The following CACNA1I variants were observed in gnomAD, a reference collection of about 807,000 sequenced individuals.
CACNA1I encodes calcium voltage-gated channel subunit alpha1 I.
CACNA1I carries 74 observed loss-of-function variants against 201.6 expected under a neutral mutation model. That is an observed-to-expected ratio of 0.37 (90% CI 0.30 to 0.45). The LOEUF (loss-of-function observed/expected upper bound fraction) is 0.45, where lower values mean the gene tolerates loss of function less well. CACNA1I is among the 20% of genes least tolerant of loss of function. The pLI is 1.00. For missense variants in CACNA1I, 2,346 were observed against 3,138.1 expected (o/e 0.75, Z 6.03); for synonymous variants, 1,431 against 1,345.2 (o/e 1.06, Z -1.40).
chr22:39,584,200 G>A (rs1398046819), intron 1 of CACNA1I, among the ~76,000 whole-genome samples: 1 of 152,140 alleles, frequency 6.6e-6, no homozygotes, highest in Non-Finnish European at 1.5e-5. Flanking sequence ...TTGAGGAGTG[G>A]GCAGAAAGGA....
In CACNA1I at chr22:39,661,228, C is replaced by T. The variant is rs376992678; in HGVS notation, c.2819C>T (p.Pro940Leu). The T allele has an allele frequency of 1.1e-4, 177 of 1,611,924 alleles. No individual in the cohort carries two copies. The highest frequency in any genetic ancestry group is 6.5e-4 in the South Asian group (59 of 90,874). The change falls in exon 16 of 37, where the codon CCG becomes CTG. Residue 940 changes from proline to leucine, a missense_variant. Pro to Leu is a moderately conservative substitution (Grantham distance 98). Coordinates refer to ENST00000402142, the MANE Select transcript of CACNA1I (RefSeq NM_021096.4). The part of the protein sequence containing the change: ...AGPAPRLSLQ[P>L]DPMLVALGSR... ...CCTGCCCCCCGACTCTCACTGCAGCCGGACCCCATGCTGGTGGCCCTGGGC... is the reference window on the plus strand; with the variant it reads ...CCTGCCCCCCGACTCTCACTGCAGCTGGACCCCATGCTGGTGGCCCTGGGC...
At chr22:39,656,063 G>A (rs1380482459) in intron 10 of CACNA1I, among the ~76,000 whole-genome samples, 2 of 152,154 alleles carry the variant, frequency 1.3e-5, no homozygotes, top group East Asian at 1.9e-4. Flanking sequence ...CCTCCCCACC[G>A]AGGGTCCCTC....
intron 1 of CACNA1I, among the ~76,000 whole-genome samples, chr22:39,580,787 G>A (rs150832313): frequency 6.6e-6 from 1 of 152,300 alleles, no homozygotes; most frequent in African/African-American, 2.4e-5. Context: ...GCAGACTGGA[G>A]GATGCTTGAG....
intron 4 of CACNA1I, among the ~76,000 whole-genome samples, chr22:39,620,239 C>T (rs1933701658): frequency 1.3e-5 from 1 of 76,388 alleles, no homozygotes; most frequent in African/African-American, 7.2e-5. Flanking sequence ...ATCCACCTGT[C>T]CATCCATCCA....
At position 39,648,089 on chromosome 22, in the gene CACNA1I, A is replaced by T; in HGVS notation, c.1567+163A>T. 1.6e-6 allele frequency: 1 copy of T among 633,432 alleles called. No individual in the cohort carries two copies. The highest frequency in any genetic ancestry group is 2.7e-6 in the Non-Finnish European group (1 of 366,000). 39.2% of individuals were successfully genotyped at this position (633,432 alleles called of 1,614,324 possible). A position where few individuals can be genotyped will look rare whatever the true frequency, so the allele number is the denominator to read the frequency against. ...TAAAGTGAGGACAGGGGCCCCCAGC[A>T]CGTGGCCGTCCACGGCGGGAGTCAG... On this transcript the variant is annotated intron_variant, in intron 9 of 36. Transcript: ENST00000402142. This position sits in a 1 kb window ranked among gnomAD's most constrained non-coding sequence, Gnocchi z 5.4.
rs771723885 is a variant in CACNA1I at position 39,660,451 on chromosome 22, C to T, written c.2698+14C>T. On this transcript the variant is annotated intron_variant, in intron 15 of 36. Coordinates refer to ENST00000402142, the MANE Select transcript of CACNA1I (RefSeq NM_021096.4). ...ACAGCAGCGGAGGTAAACAGGCCCT[C>T]GCTTGTCACCTAGAGAGCCCAGAGC... 15 of 1,590,830 alleles carry T rather than the reference C, an allele frequency of 9.4e-6. No homozygotes were observed. The highest frequency in any genetic ancestry group is 2.3e-5 in the South Asian group (2 of 88,782).
At chr22:39,637,207 G>A (rs1397887839) in intron 5 of CACNA1I, among the ~76,000 whole-genome samples, 1 of 152,174 alleles carries the variant, frequency 6.6e-6, no homozygotes, top group East Asian at 1.9e-4. Flanking sequence ...TAGGCCTCAG[G>A]ATGCTCTGGG....
At chr22:39,627,114 GC>G (rs1224123651) in intron 4 of CACNA1I, among the ~76,000 whole-genome samples, 1 of 152,066 alleles carries the variant, frequency 6.6e-6, no homozygotes, top group Non-Finnish European at 1.5e-5. Context: ...GCGTGTAGGC[GC>G]CAGACACCCA....
Position 39,658,267 on chromosome 22 carries a change from C to A in CACNA1I, c.2108C>A (p.Pro703His). The change falls in exon 11 of 37, where the codon CCC (proline) becomes CAC (histidine). Residue 703 changes from proline to histidine, a missense_variant. By Grantham distance (77) the Pro-to-His change is moderately conservative (BLOSUM62 -2). Transcript: ENST00000402142. ...GGGCTCTTCGACTACCTGCGTAACC[C>A]CTACAACATCTTCGACAGCATCATT... ...AFGLFDYLRN[P>H]YNIFDSIIVI... The A allele has an allele frequency of 6.2e-7, 1 of 1,613,948 alleles. No individual in the cohort carries two copies. The highest frequency in any genetic ancestry group is 8.5e-7 in the Non-Finnish European group (1 of 1,179,876).
intron 10 of CACNA1I, among the ~76,000 whole-genome samples, chr22:39,655,270 G>C (rs79952360): frequency 9.2e-5 from 14 of 151,996 alleles, no homozygotes; most frequent in South Asian, 2.1e-4. Flanking sequence ...TTCCCGGGGG[G>C]CAGCTGACCT....
At chr22:39,641,332 T>C (rs1934346352) in intron 6 of CACNA1I, 150 bp downstream of exon 6, 2 of 652,036 alleles carry the variant, frequency 3.1e-6, no homozygotes, top group Admixed American at 5.8e-5. Flanking sequence ...GCCCATTTTA[T>C]AGACAGAGAA....
intron 7 of CACNA1I, among the ~76,000 whole-genome samples, chr22:39,645,027 C>T (rs1170943499): frequency 8.6e-5 from 13 of 151,622 alleles, no homozygotes; most frequent in Non-Finnish European, 4.4e-5. Context: ...GCTCTTGTTG[C>T]CCAGCCTGGA....
chr22:39,631,105 C>T (rs978568648), intron 4 of CACNA1I, among the ~76,000 whole-genome samples: 2 of 152,180 alleles, frequency 1.3e-5, no homozygotes, highest in East Asian at 1.9e-4. Context: ...GGGAATCTTC[C>T]GTCAGAGGTG....
chr22:39,584,495 G>C (rs1932678819), intron 1 of CACNA1I, among the ~76,000 whole-genome samples: 1 of 152,166 alleles, frequency 6.6e-6, no homozygotes, highest in South Asian at 2.1e-4. Flanking sequence ...CTTGGGACCT[G>C]CTCAGCCATA....
chr22:39,571,036 G>A (rs775999126), intron 1 of CACNA1I, 48 bp downstream of exon 1: 19 of 1,500,294 alleles, frequency 1.3e-5, no homozygotes, highest in Non-Finnish European at 1.8e-5. Flanking sequence ...GGGCTGAAGG[G>A]TGGGGGGCTG....
At chr22:39,618,630 T>C (rs1278422167) in intron 3 of CACNA1I, among the ~76,000 whole-genome samples, 3 of 151,836 alleles carry the variant, frequency 2.0e-5, no homozygotes, top group Non-Finnish European at 2.9e-5. Flanking sequence ...AAGCCTTCAT[T>C]TCCTACTGAC....
intron 28 of CACNA1I, among the ~76,000 whole-genome samples, chr22:39,673,294 C>G (rs1935427963): frequency 6.6e-6 from 1 of 152,112 alleles, no homozygotes. Context: ...ACACACCTCC[C>G]CCAACACACA....
intron 1 of CACNA1I, among the ~76,000 whole-genome samples, chr22:39,573,380 G>T (rs576579531): frequency 1.3e-5 from 2 of 152,128 alleles, no homozygotes; most frequent in Non-Finnish European, 2.9e-5. Flanking sequence ...ACTTGGCCTG[G>T]GAGTCTGACC....
rs745910781 is a variant in CACNA1I, at chr22:39,648,216, G to A, written c.1567+290G>A. ...AGAAGAATGCACGCTCAGAGCTGCC[G>A]CCCACCCGTCCTCGGGTGCCAGCCA... is the stretch of plus-strand genomic sequence containing the variant. On this transcript the variant is annotated intron_variant, in intron 9 of 36. Transcript: ENST00000402142. This position sits in a 1 kb window ranked among gnomAD's most constrained non-coding sequence, Gnocchi z 5.4. Among the ~76,000 whole-genome samples the A allele has an allele frequency of 1.3e-5, 2 of 152,028 alleles. No homozygotes were observed. The highest frequency in any genetic ancestry group is 4.8e-5 in the African/African-American group (2 of 41,402).
Sources: gnomAD v4.1 joint callset for allele counts (sites outside exome capture counted in the v4.1 genomes callset) on GRCh38, gnomAD v4.1.1 for gene constraint, Gnocchi (gnomAD v3.1) non-coding constraint, MANE v1.5 for transcripts, NCBI Gene and HGNC (gene_info 2026-07-23, HGNC 2026-07-21) for gene names.